The following TCFL5 variants were observed in gnomAD, a reference collection of about 807,000 sequenced individuals.
The protein encoded by TCFL5 is transcription factor-like 5 protein.
TCFL5 carries 9 observed loss-of-function variants against 44.3 expected under a neutral mutation model. The ratio of observed to expected loss-of-function variants is 0.20; its 90% CI spans 0.12 to 0.35. TCFL5 has a LOEUF of 0.35. Among genes scored for constraint, TCFL5 ranks in the 10% least tolerant of loss-of-function variants. The probability of loss-of-function intolerance (pLI) is 1.00; values close to 1 mark genes in which losing one functional copy is unlikely to be tolerated. For synonymous variants in TCFL5, 319 were observed against 271.6 expected, an observed-to-expected ratio of 1.17 and a Z score of -1.72; for missense variants, 603 against 613.4, an observed-to-expected ratio of 0.98 and a Z score of 0.18.
At position 62,841,824 on chromosome 20, in the gene TCFL5, T is replaced by C. The variant is rs2063682946; in HGVS notation, c.*151A>G. On this transcript the variant is annotated 3_prime_UTR_variant, in exon 6 of 6. Transcript: ENST00000335351. ...CGTCTAGATAAATATTTTTACAAAA[T>C]GTGCTCTCAAAGTCCCTACTGGAGT... The C allele has an allele frequency of 4.3e-6, 4 of 927,562 alleles. No individual in the cohort carries two copies. Among genetic ancestry groups the C allele is most frequent in the Non-Finnish European group, 6.1e-6 (4 of 656,372 alleles). The allele number at this position is 927,562 out of a possible 1,614,324, so 57.5% of individuals were successfully genotyped here. A position where few individuals can be genotyped will look rare whatever the true frequency, so the allele number is the denominator to read the frequency against.
chr20:62,858,668 G>A (rs1177196809), intron 3 of TCFL5, among the ~76,000 whole-genome samples: 2 of 147,742 alleles, frequency 1.4e-5, no homozygotes, highest in Non-Finnish European at 1.5e-5. Flanking sequence ...GGGCTATGCA[G>A]GTGTTTCCCA....
At chr20:62,854,631 A>C (rs779596718) in intron 4 of TCFL5, among the ~76,000 whole-genome samples, 2 of 152,228 alleles carry the variant, frequency 1.3e-5, no homozygotes, top group Non-Finnish European at 2.9e-5. Context: ...GCTTTCTCCA[A>C]GGGGCCCTGA....
rs1162780282 is a variant in TCFL5 at position 62,861,350 on chromosome 20, G to A, written c.321C>T (p.Pro107=). The A allele has an allele frequency of 1.9e-6, 2 of 1,068,710 alleles. No individual in the cohort carries two copies. The highest frequency in any genetic ancestry group is 2.3e-6 in the Non-Finnish European group (2 of 885,250). The allele number at this position is 1,068,710 out of a possible 1,614,324, so 66.2% of individuals were successfully genotyped here. Residue 107 remains proline, a synonymous_variant, in exon 1 of 6, where the codon CCC becomes CCT. Coordinates refer to ENST00000335351, the MANE Select transcript of TCFL5 (RefSeq NM_006602.4). The surrounding 1 kb of genome is among the most constrained non-coding windows in gnomAD (Gnocchi z 4.0). ...CCGCCAGCGCGGACGGGCACAGCACGGGGTACACGGGCGCCGCGCCCCCCT... is the reference window on the plus strand; with the variant it reads ...CCGCCAGCGCGGACGGGCACAGCACAGGGTACACGGGCGCCGCGCCCCCCT... ...GGQGGAAPVY[P]VLCPSALAAD...
intron 5 of TCFL5, among the ~76,000 whole-genome samples, chr20:62,848,467 A>G (rs1295696201): frequency 1.3e-5 from 2 of 152,218 alleles, no homozygotes; most frequent in East Asian, 3.8e-4. Flanking sequence ...GGGGCCGGGC[A>G]CAGTGGCTCA....
At chr20:62,845,083 G>T in intron 5 of TCFL5, 1 of 984,134 alleles carries the variant, frequency 1.0e-6, no homozygotes, top group Non-Finnish European at 1.2e-6. Context: ...TGTGCACTCA[G>T]AATCTACACC....
intron 4 of TCFL5, among the ~76,000 whole-genome samples, chr20:62,855,714 C>T (rs2063877972): frequency 6.6e-6 from 1 of 151,768 alleles, no homozygotes; most frequent in South Asian, 2.1e-4. Flanking sequence ...TGCGTTGAAC[C>T]GAGATCGTGC....
rs1568803142 is a variant in TCFL5, at chr20:62,861,706, C to CGCGGGCGGCGGGCGGCGGGAG, written c.-57_-37dup. On this transcript the variant is annotated 5_prime_UTR_variant, in exon 1 of 6. Transcript: ENST00000335351. The surrounding 1 kb of genome is among the most constrained non-coding windows in gnomAD (Gnocchi z 4.0). ...CGCGGCCCAACGGCGGCGAGGGCGA[C>CGCGGGCGGCGGGCGGCGGGAG]GCGGGCGGCGGGCGGCGGGAGGCGG... 1 of 143,074 alleles carries CGCGGGCGGCGGGCGGCGGGAG rather than the reference C, an allele frequency of 7.0e-6. No homozygotes were observed. Among genetic ancestry groups the CGCGGGCGGCGGGCGGCGGGAG allele is most frequent in the East Asian group, 2.5e-4 (1 of 3,932 alleles). 8.9% of individuals were successfully genotyped at this position (143,074 alleles called of 1,614,324 possible).
chr20:62,859,839 G>A (rs1429575143), intron 2 of TCFL5, among the ~76,000 whole-genome samples: 1 of 151,808 alleles, frequency 6.6e-6, no homozygotes, highest in East Asian at 1.9e-4. Context: ...TCCCGCCTCA[G>A]CCTCCTGAGC....
intron 3 of TCFL5, among the ~76,000 whole-genome samples, chr20:62,858,562 G>GT (rs2063932123): frequency 6.6e-6 from 1 of 152,234 alleles, no homozygotes; most frequent in Non-Finnish European, 1.5e-5. Flanking sequence ...CCAACTCTTG[G>GT]AAAGCTAAGT....
At chr20:62,848,209 C>A (rs988259874) in intron 5 of TCFL5, among the ~76,000 whole-genome samples, 1 of 152,214 alleles carries the variant, frequency 6.6e-6, no homozygotes, top group Non-Finnish European at 1.5e-5. Flanking sequence ...GACTCAACCA[C>A]CTGCTGGTGT....
intron 2 of TCFL5, 108 bp downstream of exon 2, chr20:62,860,017 T>C: frequency 8.7e-7 from 1 of 1,153,210 alleles, no homozygotes; most frequent in Non-Finnish European, 1.2e-6. Context: ...CTTAAAAGGT[T>C]ATTAAGCTCA....
At position 62,854,306 on chromosome 20, in the gene TCFL5, C is replaced by T; in HGVS notation, c.1239-149G>A. 2 of 1,050,074 alleles carry T rather than the reference C, an allele frequency of 1.9e-6. 1 individual carries two copies. Among genetic ancestry groups the T allele is most frequent in the South Asian group, 3.3e-5 (2 of 59,978 alleles). The allele number at this position is 1,050,074 out of a possible 1,614,324, so 65.0% of individuals were successfully genotyped here. A position where few individuals can be genotyped will look rare whatever the true frequency, so the allele number is the denominator to read the frequency against. On this transcript the variant is annotated intron_variant, in intron 4 of 5. Coordinates refer to ENST00000335351, the MANE Select transcript of TCFL5 (RefSeq NM_006602.4). Reference sequence around the variant, plus strand: ...GAAGCGCCTGTCACCACAGGAAGCCCCACGGCTTTGCCACGGCCTTGTCTA... The same window carrying T: ...GAAGCGCCTGTCACCACAGGAAGCCTCACGGCTTTGCCACGGCCTTGTCTA...
intron 5 of TCFL5, chr20:62,852,398 T>C (rs1488128262): frequency 2.0e-6 from 2 of 983,830 alleles, no homozygotes; most frequent in Non-Finnish European, 2.4e-6. Flanking sequence ...ACCCTGGAAC[T>C]GGGGTCCCCC....
intron 4 of TCFL5, among the ~76,000 whole-genome samples, chr20:62,856,717 A>G (rs901811650): frequency 6.6e-6 from 1 of 150,614 alleles, no homozygotes; most frequent in African/African-American, 2.4e-5. Flanking sequence ...AAAAAAAAAA[A>G]AAAAAAAAAG....
At chr20:62,853,729 C>G (rs962478282) in intron 5 of TCFL5, among the ~76,000 whole-genome samples, 4 of 152,226 alleles carry the variant, frequency 2.6e-5, no homozygotes, top group Non-Finnish European at 4.4e-5. Flanking sequence ...ACACACCCGT[C>G]AGCCCCAGTG....
Position 62,861,305 on chromosome 20 carries a change from GC to G in TCFL5, c.365del (p.Gly122AlafsTer10). On this transcript the variant is annotated frameshift_variant, in exon 1 of 6. Coordinates refer to ENST00000335351, the MANE Select transcript of TCFL5 (RefSeq NM_006602.4). LOFTEE classifies it high-confidence loss of function. This position sits in a 1 kb window ranked among gnomAD's most constrained non-coding sequence, Gnocchi z 4.0. The stretch of plus-strand genomic sequence containing the variant: ...TGCGCAGCTCCTGGAAGTCGATGTG[GC>G]CCAGGCAGGGCGCGTCGGCCGCCAG... ...SALAADAPCL[G>X]HIDFQELRMM... 2.5e-6 allele frequency: 3 copies of G among 1,178,104 alleles called. No individual in the cohort carries two copies. The highest frequency in any genetic ancestry group is 2.0e-5 in the South Asian group (1 of 50,112). 73.0% of individuals were successfully genotyped at this position (1,178,104 alleles called of 1,614,324 possible).
At chr20:62,845,320 A>C (rs2063726931) in intron 5 of TCFL5, 1 of 922,182 alleles carries the variant, frequency 1.1e-6, no homozygotes, top group African/African-American at 1.8e-5. Context: ...CGGGGGTCAC[A>C]CCGTATTGGC....
rs1483117423 is a variant in TCFL5 at position 62,841,556 on chromosome 20, A to G, written c.*419T>C. ...ATTTCCAAACTGTTTTTAGTTAACA[A>G]TTTAACTTGTTCCAATTGCTAAAGG... On this transcript the variant is annotated 3_prime_UTR_variant, in exon 6 of 6. Coordinates refer to ENST00000335351, the MANE Select transcript of TCFL5 (RefSeq NM_006602.4). The G allele has an allele frequency of 6.4e-6, 1 of 156,124 alleles. No individual in the cohort carries two copies. The highest frequency in any genetic ancestry group is 2.4e-5 in the African/African-American group (1 of 41,484). 9.7% of individuals were successfully genotyped at this position (156,124 alleles called of 1,614,324 possible).
intron 5 of TCFL5, chr20:62,852,690 G>C: frequency 1.0e-6 from 1 of 985,346 alleles, no homozygotes; most frequent in African/African-American, 1.7e-5. Context: ...GTCCACAGAA[G>C]TACAGTCACC....
Sources: allele counts gnomAD v4.1 joint callset (sites outside exome capture counted in the v4.1 genomes callset), GRCh38; gene constraint gnomAD v4.1.1; non-coding constraint Gnocchi (gnomAD v3.1); transcripts MANE v1.5; gene names NCBI Gene and HGNC (gene_info 2026-07-23, HGNC 2026-07-21).